EIF2AK4: variants seen among roughly 807,000 people sequenced by gnomAD.
EIF2AK4 encodes the protein eukaryotic translation initiation factor 2 alpha kinase 4, also known as eIF-2-alpha kinase GCN2.
In EIF2AK4, 139 loss-of-function variants were observed where a neutral mutation model predicts 211.1. The ratio of observed to expected loss-of-function variants is 0.66; its 90% confidence interval spans 0.57 to 0.76. The LOEUF is 0.76. Ranked by LOEUF, EIF2AK4 falls within the 30% of genes least tolerant of loss-of-function variation. The pLI is 0.00. For missense variants in EIF2AK4, 1,664 were observed against 2,043.8 expected (o/e 0.81, Z 3.58); for synonymous variants, 710 against 751.3 (o/e 0.94, Z 0.90).
At chr15:39,970,942 A>T (rs950142099) in intron 9 of EIF2AK4, among the ~76,000 whole-genome samples, 1 of 152,264 alleles carries the variant, frequency 6.6e-6, no homozygotes, top group Non-Finnish European at 1.5e-5. Context: ...CTGCTGCAAC[A>T]TAAAAAAAAG....
intron 3 of EIF2AK4, among the ~76,000 whole-genome samples, chr15:39,947,465 A>AT (rs1427528299): frequency 6.6e-6 from 1 of 152,150 alleles, no homozygotes; most frequent in African/African-American, 2.4e-5. Context: ...AGTATACTCT[A>AT]TTTTTTCAAA....
intron 15 of EIF2AK4, 134 bp from the exon 16 acceptor site, chr15:39,990,139 C>A: frequency 4.0e-6 from 3 of 755,594 alleles, no homozygotes; most frequent in South Asian, 3.4e-5. Context: ...AGAGGCCAGA[C>A]AGCCTGGACC....
chr15:39,943,904 A>G (rs530826446), intron 3 of EIF2AK4, among the ~76,000 whole-genome samples: 2 of 152,228 alleles, frequency 1.3e-5, no homozygotes, highest in African/African-American at 2.4e-5. Flanking sequence ...ACAGTGAGCT[A>G]TGATCACACC....
chr15:39,990,457 T>C (rs1029286051), intron 16 of EIF2AK4, 80 bp downstream of exon 16: 29 of 1,209,296 alleles, frequency 2.4e-5, no homozygotes, highest in Non-Finnish European at 3.3e-5. Flanking sequence ...GCGGATAGAA[T>C]AGTGCGTTCA....
chr15:40,002,911 T>G, intron 22 of EIF2AK4, 123 bp downstream of exon 22: 2 of 1,149,016 alleles, frequency 1.7e-6, no homozygotes, highest in Non-Finnish European at 2.5e-6. Flanking sequence ...ATAATTGACA[T>G]CATATGGAAT....
chr15:39,955,028 A>G (rs542370468), intron 5 of EIF2AK4, among the ~76,000 whole-genome samples: 4 of 152,142 alleles, frequency 2.6e-5, no homozygotes, highest in Non-Finnish European at 5.9e-5. Context: ...GTACTGCCCT[A>G]TGTGAAACTA....
At chr15:40,018,398 TTA>T (rs1410675059) in intron 29 of EIF2AK4, among the ~76,000 whole-genome samples, 1 of 152,202 alleles carries the variant, frequency 6.6e-6, no homozygotes, top group African/African-American at 2.4e-5. Context: ...ATCTATAGGT[TTA>T]TGTCTTTTGC....
rs762783475 is a variant in EIF2AK4 at position 40,032,256 on chromosome 15, T to C, written c.4728+19T>C. ...TCTGGCTGTAAGTGGCTTTCTTTAG[T>C]ATTTTGAAGGTGGCTTCTGTCCATA... On this transcript the variant is annotated intron_variant, in intron 36 of 38. Coordinates refer to ENST00000263791, the MANE Select transcript of EIF2AK4 (RefSeq NM_001013703.4). The C allele has an allele frequency of 3.1e-6, 5 of 1,611,188 alleles. No homozygotes were observed. Among genetic ancestry groups the C allele is most frequent in the African/African-American group, 1.3e-5 (1 of 74,888 alleles).
chr15:40,029,598 T>C (rs1357396208), intron 34 of EIF2AK4, 134 bp downstream of exon 34: 32 of 882,824 alleles, frequency 3.6e-5, no homozygotes, highest in Non-Finnish European at 4.5e-5. Context: ...TTGTACCACA[T>C]GGGATGCATC....
chr15:39,944,185 C>G (rs1328524145), intron 3 of EIF2AK4, among the ~76,000 whole-genome samples: 2 of 152,126 alleles, frequency 1.3e-5, no homozygotes, highest in Non-Finnish European at 2.9e-5. Context: ...CTGTCATATA[C>G]CTGAGCATTT....
intron 13 of EIF2AK4, among the ~76,000 whole-genome samples, chr15:39,983,722 A>G (rs1411217969): frequency 6.6e-6 from 1 of 152,220 alleles, no homozygotes; most frequent in Non-Finnish European, 1.5e-5. Context: ...GATTACAGGC[A>G]TGAGCCACCG....
At position 39,998,763 on chromosome 15, in the gene EIF2AK4, C is replaced by T. The variant is rs576873714; in HGVS notation, c.2901C>T (p.Asp967=). 2.9e-5 allele frequency: 46 copies of T among 1,612,482 alleles called. No individual in the cohort carries two copies. The highest frequency in any genetic ancestry group is 2.5e-4 in the East Asian group (11 of 44,790). The change falls in exon 20 of 39, where the codon GAC becomes GAT. Residue 967 remains aspartate (D), a synonymous_variant. Coordinates refer to ENST00000263791, the MANE Select transcript of EIF2AK4 (RefSeq NM_001013703.4). ...PTSPKFPEDF[D]DGEHAKQKSV... is the part of the protein sequence containing the mutation. ...CGCCTAAGTTTCCAGAAGACTTTGA[C>T]GATGGAGAGCATGCAAAGCAGGTAA...
At position 39,966,128 on chromosome 15, in the gene EIF2AK4, A is replaced by C. The variant is rs73388504; in HGVS notation, c.1017+285A>C. On this transcript the variant is annotated intron_variant, in intron 8 of 38. Transcript: ENST00000263791. ...ATCTTTCCAACTGGGACTAAATACT[A>C]GTTCATAATTGGGTTTTTTTGCAAT... Among the ~76,000 whole-genome samples, 2,722 of 152,206 alleles carry C rather than the reference A, an allele frequency of 0.018. 93 individuals are homozygous for C. The highest frequency in any genetic ancestry group is 0.062 in the African/African-American group (2,581 of 41,528).
rs200224962 is a variant in EIF2AK4, at chr15:39,994,835, C to CATT, written c.2766+2006_2766+2008dup. ...GAGTGTGGGCAGACACCTTTAGTGT[C>CATT]ATTATTATTATTATTATTATTTTGA... On this transcript the variant is annotated intron_variant, in intron 18 of 38. Transcript: ENST00000263791. Among the ~76,000 whole-genome samples the CATT allele has an allele frequency of 9.8e-4, 148 of 151,320 alleles. No individual in the cohort carries two copies. In the East Asian group the frequency reaches 0.01, roughly 11 times the overall value.
chr15:39,976,867 C>T, intron 12 of EIF2AK4, 23 bp downstream of exon 12: 1 of 1,448,476 alleles, frequency 6.9e-7, no homozygotes, highest in Non-Finnish European at 9.1e-7. Flanking sequence ...CGCGGACCAG[C>T]TGCCTCTGAT....
chr15:40,018,338 G>A (rs1010000931), intron 29 of EIF2AK4, among the ~76,000 whole-genome samples: 1 of 152,032 alleles, frequency 6.6e-6, no homozygotes, highest in African/African-American at 2.4e-5. Flanking sequence ...ATGTGTCTTG[G>A]CATGAGTTTC....
At chr15:39,966,880 T>C (rs879391215) in intron 8 of EIF2AK4, among the ~76,000 whole-genome samples, 2 of 152,206 alleles carry the variant, frequency 1.3e-5, no homozygotes, top group Admixed American at 6.5e-5. Context: ...CTCTTTGCCA[T>C]GTGAGGTTCT....
chr15:39,955,870 T>C, intron 6 of EIF2AK4, 102 bp downstream of exon 6: 2 of 1,315,038 alleles, frequency 1.5e-6, no homozygotes, highest in Non-Finnish European at 1.0e-6. Context: ...GGCGATAGTC[T>C]TAATAACTTT....
At position 39,967,452 on chromosome 15, in the gene EIF2AK4, G is replaced by A; in HGVS notation, c.1126G>A (p.Asp376Asn). ...LKEQDDSIVV[D>N]ILVEHISGVS... is the part of the protein sequence containing the mutation. ...AGAGCAAGACGACTCCATCGTGGTG[G>A]ACATTTTAGTGGAGCACATTAGTGG... Residue 376 changes from aspartate (D) to asparagine (N), a missense_variant, in exon 9 of 39, where the codon GAC (aspartate) becomes AAC (asparagine). This residue lies in a region of EIF2AK4 where 641 missense variants were observed against 729.6 expected (regional missense o/e 0.88). Coordinates refer to ENST00000263791, the MANE Select transcript of EIF2AK4 (RefSeq NM_001013703.4). 1 of 1,614,032 alleles carries A rather than the reference G, an allele frequency of 6.2e-7. No individual in the cohort carries two copies. Among genetic ancestry groups the A allele is most frequent in the Non-Finnish European group, 8.5e-7 (1 of 1,180,008 alleles).
Sources: allele counts gnomAD v4.1 joint callset (sites outside exome capture counted in the v4.1 genomes callset), GRCh38; gene constraint gnomAD v4.1.1; regional missense constraint gnomAD v4.1.1; transcripts MANE v1.5; gene names NCBI Gene and HGNC (gene_info 2026-07-23, HGNC 2026-07-21).